ALMS1: variants seen among roughly 807,000 people sequenced by gnomAD.
The protein encoded by ALMS1 is ALMS1 centrosome and basal body associated protein, also known as centrosome-associated protein ALMS1.
A neutral mutation model predicts 352.2 loss-of-function variants in ALMS1; 271 were observed. The observed-to-expected ratio is 0.77, with a 90% CI of 0.70 to 0.85. The LOEUF (loss-of-function observed/expected upper bound fraction) is 0.85, where lower values mean the gene tolerates loss of function less well. ALMS1 is among the 40% of genes least tolerant of loss of function. The probability of loss-of-function intolerance (pLI) is 0.00; values close to 1 mark genes in which losing one functional copy is unlikely to be tolerated. For synonymous variants in ALMS1, 1,865 were observed against 1,761.2 expected (o/e 1.06, Z -1.48); for missense variants, 5,445 against 4,870.7 (o/e 1.12, Z -3.51).
chr2:73,518,013 T>C lies in ALMS1; in HGVS notation c.9540-1762T>C, dbSNP rs530767314. Among the ~76,000 whole-genome samples the C allele has an allele frequency of 3.3e-5, 5 of 152,254 alleles. No individual in the cohort carries two copies. In the South Asian group the frequency reaches 1.0e-3, roughly 32 times the overall value. ...GGGGTACATGTTCCAATTTGTTCTATAGGTAAACTTGTGTCATGGGGGTTT... is the reference window on the plus strand; with the variant it reads ...GGGGTACATGTTCCAATTTGTTCTACAGGTAAACTTGTGTCATGGGGGTTT... On this transcript the variant is annotated intron_variant, in intron 10 of 22. Coordinates refer to ENST00000613296, the MANE Select transcript of ALMS1 (RefSeq NM_001378454.1).
At chr2:73,418,552 G>C (rs1203529690) in intron 2 of ALMS1, among the ~76,000 whole-genome samples, 1 of 152,204 alleles carries the variant, frequency 6.6e-6, no homozygotes, top group South Asian at 2.1e-4. Context: ...TTCCCAGGCA[G>C]CTGCAGACTT....
intron 8 of ALMS1, 45 bp from the exon 9 acceptor site, chr2:73,455,117 A>T: frequency 3.7e-6 from 6 of 1,605,622 alleles, no homozygotes; most frequent in Non-Finnish European, 5.1e-6. Context: ...TTGACAAATT[A>T]TCACTTTTGC....
chr2:73,487,651 T>C (rs1672881214), intron 9 of ALMS1, among the ~76,000 whole-genome samples: 1 of 152,106 alleles, frequency 6.6e-6, no homozygotes, highest in Non-Finnish European at 1.5e-5. Flanking sequence ...GTCCCACCAT[T>C]TGGTGGATCC....
At chr2:73,493,293 G>A (rs1470010084) in intron 10 of ALMS1, among the ~76,000 whole-genome samples, 2 of 151,292 alleles carry the variant, frequency 1.3e-5, no homozygotes, top group African/African-American at 4.9e-5. Context: ...AGCATTGGAG[G>A]TGGCATTTGA....
At chr2:73,466,027 C>T (rs1672334790) in intron 9 of ALMS1, among the ~76,000 whole-genome samples, 1 of 151,526 alleles carries the variant, frequency 6.6e-6, no homozygotes, top group African/African-American at 2.4e-5. Context: ...ACACTTTACA[C>T]TGTTGGTGGG....
At chr2:73,436,006 T>A (rs966586457) in intron 7 of ALMS1, among the ~76,000 whole-genome samples, 3 of 152,250 alleles carry the variant, frequency 2.0e-5, no homozygotes, top group Non-Finnish European at 4.4e-5. Flanking sequence ...TGTTTTGTTA[T>A]GAAAATGTTA....
In ALMS1 at chr2:73,573,155, A is replaced by C. The variant is rs767695425; in HGVS notation, c.11278A>C (p.Thr3760Pro). 1 of 1,613,662 alleles carries C rather than the reference A, an allele frequency of 6.2e-7. No homozygotes were observed. The highest frequency in any genetic ancestry group is 1.3e-5 in the African/African-American group (1 of 74,890). The change falls in exon 16 of 23, where the codon ACT (threonine) becomes CCT (proline). Residue 3760 changes from threonine (T) to proline (P), a missense_variant. Thr to Pro is a conservative substitution (Grantham distance 38, BLOSUM62 -1). Coordinates refer to ENST00000613296, the MANE Select transcript of ALMS1 (RefSeq NM_001378454.1). ...CAACATCCTTTCCGGCACCACTTCT[A>C]CTGTCGAATCAGATATATTGACCCA... Reference protein sequence around the residue: ...TTNILSGTTSTVESDILTQTD... With the variant: ...TTNILSGTTSPVESDILTQTD...
intron 10 of ALMS1, among the ~76,000 whole-genome samples, chr2:73,492,581 T>C (rs1673013423): frequency 6.6e-6 from 1 of 152,162 alleles, no homozygotes; most frequent in South Asian, 2.1e-4. Flanking sequence ...TGATTTAATA[T>C]CCTTGGCACT....
chr2:73,460,580 AGACAGTGGGTGTAG>A (rs1672169438), intron 9 of ALMS1, among the ~76,000 whole-genome samples: 1 of 152,192 alleles, frequency 6.6e-6, no homozygotes, highest in African/African-American at 2.4e-5. Context: ...AGGGAGTGCC[AGACAGTGGGTGTAG>A]GACAGTGGGT....
chr2:73,601,542 C>T lies in ALMS1; in HGVS notation c.12114+106C>T, dbSNP rs1050506005. On this transcript the variant is annotated intron_variant, in intron 19 of 22. Coordinates refer to ENST00000613296, the MANE Select transcript of ALMS1 (RefSeq NM_001378454.1). Reference sequence around the variant, plus strand: ...GGTGAGCTGAGGTGTAGGCCTGAGACGCTCTTTTCCAGCACCTCCGCAGTT... The same window carrying T: ...GGTGAGCTGAGGTGTAGGCCTGAGATGCTCTTTTCCAGCACCTCCGCAGTT... 5.1e-5 allele frequency: 77 copies of T among 1,513,364 alleles called. No individual in the cohort carries two copies. In the East Asian group the frequency reaches 9.6e-4, roughly 19 times the overall value. 93.7% of individuals were successfully genotyped at this position (1,513,364 alleles called of 1,614,324 possible).
rs1025625040 is a variant in ALMS1 at position 73,570,468 on chromosome 2, C to A, written c.10385-1794C>A. Among the ~76,000 whole-genome samples, 6 of 152,118 alleles carry A rather than the reference C, an allele frequency of 3.9e-5. No homozygotes were observed. In the South Asian group the frequency reaches 1.2e-3, roughly 32 times the overall value. On this transcript the variant is annotated intron_variant, in intron 15 of 22. Coordinates refer to ENST00000613296, the MANE Select transcript of ALMS1 (RefSeq NM_001378454.1). ...TTTAGTCCAGAAGTATGGCTGTACTCTGCAGTAATTTGAAGAGGGAATTGG... is the reference window on the plus strand; with the variant it reads ...TTTAGTCCAGAAGTATGGCTGTACTATGCAGTAATTTGAAGAGGGAATTGG...
chr2:73,544,842 CAT>C (rs1287089643), intron 12 of ALMS1, among the ~76,000 whole-genome samples: 15 of 152,238 alleles, frequency 9.9e-5, no homozygotes, highest in Admixed American at 8.5e-4. Flanking sequence ...CAAAATGTGA[CAT>C]ATATGTGTAA....
Position 73,602,368 on chromosome 2 carries a change from G to A in ALMS1, c.12298G>A (p.Val4100Ile). 1.2e-6 allele frequency: 2 copies of A among 1,614,104 alleles called. No homozygotes were observed. The highest frequency in any genetic ancestry group is 1.7e-6 in the Non-Finnish European group (2 of 1,179,992). Reference sequence around the variant, plus strand: ...TCGCATGTGCCCGCTGCCCAAGAGAGGTACGCCCTGCCCGTTCACTTTCCT... The same window carrying A: ...TCGCATGTGCCCGCTGCCCAAGAGAAGTACGCCCTGCCCGTTCACTTTCCT... The part of the protein sequence containing the change: ...QNRMCPLPKR[V>I]FLAIQKNKPI... Residue 4100 changes from valine (V) to isoleucine (I), a missense_variant and splice_region_variant, in exon 20 of 23, where the codon GTC becomes ATC. By Grantham distance (29) the Val-to-Ile change is conservative. Coordinates refer to ENST00000613296, the MANE Select transcript of ALMS1 (RefSeq NM_001378454.1).
At chr2:73,589,282 G>A (rs1478592179) in intron 16 of ALMS1, among the ~76,000 whole-genome samples, 2 of 152,152 alleles carry the variant, frequency 1.3e-5, no homozygotes, top group African/African-American at 2.4e-5. Flanking sequence ...TATTTTGGGT[G>A]TAAAAGACCA....
chr2:73,466,519 A>G (rs1160405818), intron 9 of ALMS1, among the ~76,000 whole-genome samples: 2 of 150,608 alleles, frequency 1.3e-5, no homozygotes, highest in Non-Finnish European at 3.0e-5. Context: ...GAGGGATAGC[A>G]TTTGGAGATA....
intron 1 of ALMS1, among the ~76,000 whole-genome samples, chr2:73,388,440 C>T (rs1406197010): frequency 6.6e-6 from 1 of 152,156 alleles, no homozygotes; most frequent in African/African-American, 2.4e-5. Flanking sequence ...GCCCTTCTCT[C>T]CTCCTTCTGG....
intron 13 of ALMS1, among the ~76,000 whole-genome samples, chr2:73,551,962 G>A (rs1674446078): frequency 6.6e-6 from 1 of 152,142 alleles, no homozygotes; most frequent in African/African-American, 2.4e-5. Context: ...GTGGCTCTAT[G>A]TTCTAGTTTT....
rs1460561896 is a variant in ALMS1 at position 73,447,840 on chromosome 2, C to T, written c.1433-120C>T. On this transcript the variant is annotated intron_variant, in intron 7 of 22. Coordinates refer to ENST00000613296, the MANE Select transcript of ALMS1 (RefSeq NM_001378454.1). ...TGCAAATATTTATCTCCTTTGATGG[C>T]TGTTTCCTTAGGATTCATTTCTAGA... The T allele has an allele frequency of 3.1e-6, 4 of 1,279,472 alleles. No individual in the cohort carries two copies. The East Asian group carries it at 7.9e-5, about 25-fold the overall frequency. The allele number at this position is 1,279,472 out of a possible 1,614,324, so 79.3% of individuals were successfully genotyped here. A position where few individuals can be genotyped will look rare whatever the true frequency, so the allele number is the denominator to read the frequency against.
At chr2:73,496,023 C>T (rs1310175894) in intron 10 of ALMS1, among the ~76,000 whole-genome samples, 1 of 152,168 alleles carries the variant, frequency 6.6e-6, no homozygotes, top group Non-Finnish European at 1.5e-5. Flanking sequence ...TCAGCATCTC[C>T]CTTCCCCATA....
Sources: allele counts gnomAD v4.1 joint callset (sites outside exome capture counted in the v4.1 genomes callset), GRCh38; gene constraint gnomAD v4.1.1; transcripts MANE v1.5; gene names NCBI Gene and HGNC (gene_info 2026-07-23, HGNC 2026-07-21).